LILRA4: variants seen among roughly 807,000 people sequenced by gnomAD.
LILRA4 encodes leukocyte immunoglobulin like receptor A4, also known as leukocyte immunoglobulin-like receptor subfamily A member 4.
LILRA4 carries 51 observed loss-of-function variants against 49.5 expected under a neutral mutation model. The observed-to-expected ratio is 1.03, with a 90% CI of 0.82 to 1.30. The LOEUF (loss-of-function observed/expected upper bound fraction) is 1.30. Among genes scored for constraint, LILRA4 ranks in the 50% most tolerant of loss-of-function variants. The pLI, the probability that LILRA4 is intolerant of heterozygous loss-of-function variation, is 0.00. For synonymous variants in LILRA4, 272 were observed against 265.6 expected (o/e 1.02, Z -0.23); for missense variants, 624 against 625.6 (o/e 1.00, Z 0.03).
Position 54,333,584 on chromosome 19 carries a change from C to T in LILRA4, c.1488G>A (p.Trp496Ter). Reference protein sequence around the residue: ...DNAPFRVVEPWEQI With the variant: ...DNAPFRVVEP ...CCTCCTCAGATCATCAGATCTGTTC[C>T]CAAGGCTCCACCACTCTGAAGGGTG... The change falls in exon 8 of 8, where the codon TGG becomes TGA. Residue 496 changes from tryptophan (W) to a stop codon, truncating the protein, a stop_gained. Coordinates refer to ENST00000291759, the MANE Select transcript of LILRA4 (RefSeq NM_012276.5). LOFTEE classifies it high-confidence loss of function. The T allele has an allele frequency of 6.2e-7, 1 of 1,614,068 alleles. No individual in the cohort carries two copies. Among genetic ancestry groups the T allele is most frequent in the Middle Eastern group, 1.6e-4 (1 of 6,062 alleles).
chr19:54,338,614 G>A lies in LILRA4; in HGVS notation c.137C>T (p.Thr46Ile), dbSNP rs758515595. The change falls in exon 3 of 8, where the codon ACC becomes ATC. Residue 46 changes from threonine (T) to isoleucine (I), a missense_variant. Thr to Ile is a moderately conservative substitution (Grantham distance 89). Transcript: ENST00000291759. ...GPVITWHNPVTIWCQGTLEAQ... is the reference protein window; with the variant it reads ...GPVITWHNPVIIWCQGTLEAQ... ...CTCCAGGGTGCCCTGACACCAGATG[G>A]TCACGGGGTTATGCCAGGTGATCAC... 9.9e-6 allele frequency: 16 copies of A among 1,614,114 alleles called. No individual in the cohort carries two copies. In the South Asian group the frequency reaches 1.6e-4, roughly 17 times the overall value.
chr19:54,338,652 G>T lies in LILRA4; in HGVS notation c.99C>A (p.Ala33=). Residue 33 remains alanine, a synonymous_variant, in exon 3 of 8, where the codon GCC becomes GCA. Coordinates refer to ENST00000291759, the MANE Select transcript of LILRA4 (RefSeq NM_012276.5). ...AENLLKPILW[A]EPGPVITWHN... is the part of the protein sequence containing the mutation. ...GCCAGGTGATCACGGGACCTGGCTC[G>T]GCCCACAGGATGGGTTTGAGTAGGT... 1 of 1,613,164 alleles carries T rather than the reference G, an allele frequency of 6.2e-7. No homozygotes were observed. Among genetic ancestry groups the T allele is most frequent in the Non-Finnish European group, 8.5e-7 (1 of 1,179,566 alleles).
Position 54,339,097 on chromosome 19 carries a change from A to G in LILRA4, c.-4T>C, listed in dbSNP as rs1360669416. 1 of 1,614,014 alleles carries G rather than the reference A, an allele frequency of 6.2e-7. No homozygotes were observed. Among genetic ancestry groups the G allele is most frequent in the South Asian group, 1.1e-5 (1 of 91,094 alleles). ...GGCTTGTGAGAATGAGGGTCATGGC[A>G]TCTCCTCCTCCTGGCCCTGGCTGTG... On this transcript the variant is annotated 5_prime_UTR_variant, in exon 1 of 8. It removes an upstream start codon present in the reference 5' UTR. Coordinates refer to ENST00000291759, the MANE Select transcript of LILRA4 (RefSeq NM_012276.5).
At position 54,337,957 on chromosome 19, in the gene LILRA4, G is replaced by T. The variant is rs755559450; in HGVS notation, c.634C>A (p.Pro212Thr). The stretch of plus-strand genomic sequence containing the variant: ...TCACCTGACACCAGTAGCTGCAGGG[G>T]GTCACTGGGTTCCGACCACACGTAT... ...TPYVWSEPSD[P>T]LQLLVSGVSR... The change falls in exon 4 of 8, where the codon CCC becomes ACC. Residue 212 changes from proline (P) to threonine (T), a missense_variant. Pro to Thr is a conservative substitution (Grantham distance 38). Transcript: ENST00000291759. The T allele has an allele frequency of 1.2e-6, 2 of 1,611,978 alleles. No individual in the cohort carries two copies. Among genetic ancestry groups the T allele is most frequent in the Non-Finnish European group, 1.7e-6 (2 of 1,179,128 alleles).
At chr19:54,336,767 C>G (rs754912735) in intron 6 of LILRA4, 74 bp downstream of exon 6, 1 of 1,552,726 alleles carries the variant, frequency 6.4e-7, no homozygotes, top group African/African-American at 1.4e-5. Flanking sequence ...CAGACGGACA[C>G]TCTCTTGGAA....
Position 54,337,952 on chromosome 19 carries a change from C to T in LILRA4, c.639G>A (p.Leu213=), listed in dbSNP as rs372782688. ...CTTCCTCACCTGACACCAGTAGCTGCAGGGGGTCACTGGGTTCCGACCACA... is the reference window on the plus strand; with the variant it reads ...CTTCCTCACCTGACACCAGTAGCTGTAGGGGGTCACTGGGTTCCGACCACA... ...PYVWSEPSDP[L]QLLVSGVSRK... The change falls in exon 4 of 8, where the codon CTG becomes CTA. Residue 213 remains leucine (L), a synonymous_variant. Transcript: ENST00000291759. 6.2e-7 allele frequency: 1 copy of T among 1,611,024 alleles called. No individual in the cohort carries two copies. Among genetic ancestry groups the T allele is most frequent in the Non-Finnish European group, 8.5e-7 (1 of 1,178,574 alleles).
At chr19:54,337,206 C>T in intron 5 of LILRA4, 63 bp from the exon 6 acceptor site, 1 of 1,540,978 alleles carries the variant, frequency 6.5e-7, no homozygotes. Flanking sequence ...ACCTCCCCAC[C>T]AGTCCTCTCC....
rs562664506 is a variant in LILRA4, at chr19:54,336,871, G to T, written c.1225C>A (p.Pro409Thr). ...RSSNPYLLSH[P>T]SEPLELVVSG... is the part of the protein sequence containing the mutation. ...ACCACGAGCTCCAGGGGCTCACTGG[G>T]GTGAGACAGCAGGTAGGGGTTGGAG... Residue 409 changes from proline (P) to threonine (T), a missense_variant, in exon 6 of 8, where the codon CCC (proline) becomes ACC (threonine). By Grantham distance (38) the Pro-to-Thr change is conservative (BLOSUM62 -1). Coordinates refer to ENST00000291759, the MANE Select transcript of LILRA4 (RefSeq NM_012276.5). 2.2e-5 allele frequency: 35 copies of T among 1,614,200 alleles called. No individual in the cohort carries two copies. In the South Asian group the frequency reaches 2.6e-4, roughly 12 times the overall value.
chr19:54,335,605 T>C (rs1318733868), intron 6 of LILRA4: 1 of 152,282 alleles, frequency 6.6e-6, no homozygotes, highest in Admixed American at 6.6e-5. Flanking sequence ...GTTCCAGCGA[T>C]TCTCCTGCCT....
rs762870467 is a variant in LILRA4 at position 54,338,868 on chromosome 19, G to T, written c.68C>A (p.Ala23Glu). The T allele has an allele frequency of 6.2e-7, 1 of 1,614,112 alleles. No homozygotes were observed. Among genetic ancestry groups the T allele is most frequent in the Non-Finnish European group, 8.5e-7 (1 of 1,180,002 alleles). ...LSLGPRTRVQ[A>E]ENLLKPILWA... is the part of the protein sequence containing the mutation. ...AGGACAGCTGGGGACAGACTCACCT[G>T]CCTGCACCCGGGTCCTGGGGCCCAG... is the stretch of plus-strand genomic sequence containing the variant. Residue 23 changes from alanine (A) to glutamate (E), a missense_variant and splice_region_variant, in exon 2 of 8, where the codon GCA (alanine) becomes GAA (glutamate). By Grantham distance (107) the Ala-to-Glu change is moderately radical. Coordinates refer to ENST00000291759, the MANE Select transcript of LILRA4 (RefSeq NM_012276.5).
intron 2 of LILRA4, 36 bp downstream of exon 2, chr19:54,338,827 AGAG>A (rs1449659203): frequency 1.2e-6 from 2 of 1,612,334 alleles, no homozygotes; most frequent in South Asian, 2.2e-5. Context: ...TTGTCCCCAG[AGAG>A]GAGGAGGGAC....
chr19:54,334,998 T>A (rs947467114), intron 6 of LILRA4: 3 of 150,886 alleles, frequency 2.0e-5, no homozygotes, highest in African/African-American at 7.3e-5. Flanking sequence ...TAAAATAAAA[T>A]AATAATAAAA....
At position 54,338,440 on chromosome 19, in the gene LILRA4, G is replaced by T. The variant is rs778279510; in HGVS notation, c.311C>A (p.Ala104Glu). The change falls in exon 3 of 8, where the codon GCA (alanine) becomes GAA (glutamate). Residue 104 changes from alanine (A) to glutamate (E), a missense_variant. Physicochemically the swap from Ala to Glu is moderately radical, Grantham distance 107. Coordinates refer to ENST00000291759, the MANE Select transcript of LILRA4 (RefSeq NM_012276.5). ...GRYHCYYQSPAGWSEPSDPLE... is the reference protein window; with the variant it reads ...GRYHCYYQSPEGWSEPSDPLE... ...GGGGTCGCTGGGCTCTGACCAGCCT[G>T]CAGGGCTCTGATAGTAACAGTGATA... 1.9e-6 allele frequency: 3 copies of T among 1,614,166 alleles called. No homozygotes were observed. The highest frequency in any genetic ancestry group is 2.2e-5 in the East Asian group (1 of 44,872).
In LILRA4 at chr19:54,337,644, G is replaced by T. The variant is rs141046735; in HGVS notation, c.708C>A (p.Pro236=). The T allele has an allele frequency of 6.2e-7, 1 of 1,612,878 alleles. No individual in the cohort carries two copies. The highest frequency in any genetic ancestry group is 8.5e-7 in the Non-Finnish European group (1 of 1,179,584). Residue 236 remains proline, a synonymous_variant, in exon 5 of 8, where the codon CCC becomes CCA. Coordinates refer to ENST00000291759, the MANE Select transcript of LILRA4 (RefSeq NM_012276.5). The part of the protein sequence containing the change: ...LLTLQGPVVT[P]GENLTLQCGS... ...CACACTGGAGGGTCAGATTCTCTCC[G>T]GGGGTCACGACAGGGCCCTGCAGGG...
chr19:54,333,800 G>A (rs1323683369), intron 7 of LILRA4, 35 bp from the exon 8 acceptor site: 1 of 1,613,586 alleles, frequency 6.2e-7, no homozygotes, highest in Non-Finnish European at 8.5e-7. Context: ...ACAGAGGTCA[G>A]GGCAGATCAC....
rs1254984333 is a variant in LILRA4 at position 54,338,635 on chromosome 19, A to G, written c.116T>C (p.Ile39Thr). 2 of 1,613,710 alleles carry G rather than the reference A, an allele frequency of 1.2e-6. No homozygotes were observed. The highest frequency in any genetic ancestry group is 1.7e-6 in the Non-Finnish European group (2 of 1,179,876). Reference sequence around the variant, plus strand: ...GATGGTCACGGGGTTATGCCAGGTGATCACGGGACCTGGCTCGGCCCACAG... The same window carrying G: ...GATGGTCACGGGGTTATGCCAGGTGGTCACGGGACCTGGCTCGGCCCACAG... ...PILWAEPGPV[I>T]TWHNPVTIWC... is the part of the protein sequence containing the mutation. The change falls in exon 3 of 8, where the codon ATC becomes ACC. Residue 39 changes from isoleucine (I) to threonine (T), a missense_variant. Transcript: ENST00000291759.
chr19:54,338,538 T>C lies in LILRA4; in HGVS notation c.213A>G (p.Ile71Met). Residue 71 changes from isoleucine to methionine, a missense_variant, in exon 3 of 8, where the codon ATA becomes ATG. Physicochemically the swap from Ile to Met is conservative, Grantham distance 10. Coordinates refer to ENST00000291759, the MANE Select transcript of LILRA4 (RefSeq NM_012276.5). ...DKEGNSMSRHILKTLESENKV... is the reference protein window; with the variant it reads ...DKEGNSMSRHMLKTLESENKV... ...TGTTTTCAGACTCCAGTGTTTTTAA[T>C]ATGTGCCTCGACATTGAGTTTCCCT... The C allele has an allele frequency of 1.2e-6, 2 of 1,614,164 alleles. No individual in the cohort carries two copies. The highest frequency in any genetic ancestry group is 1.7e-6 in the Non-Finnish European group (2 of 1,179,986).
rs768694629 is a variant in LILRA4 at position 54,339,054 on chromosome 19, T to A, written c.34+6A>T. On this transcript the variant is annotated splice_donor_region_variant and intron_variant, in intron 1 of 7. Coordinates refer to ENST00000291759, the MANE Select transcript of LILRA4 (RefSeq NM_012276.5). ...AGGGTCTCTCCTCCCCCTCTTAAGA[T>A]CTCACCAAAGAAGAGCAGGCTTGTG... 1.9e-6 allele frequency: 3 copies of A among 1,613,990 alleles called. No individual in the cohort carries two copies. The African/African-American group carries it at 4.0e-5, about 22-fold the overall frequency.
intron 5 of LILRA4, 59 bp from the exon 6 acceptor site, chr19:54,337,202 C>A: frequency 6.6e-7 from 1 of 1,514,904 alleles, no homozygotes; most frequent in Non-Finnish European, 9.0e-7. Context: ...TGAGACCTCC[C>A]CACCAGTCCT....
Sources: allele counts gnomAD v4.1 joint callset, GRCh38; gene constraint gnomAD v4.1.1; transcripts MANE v1.5; gene names NCBI Gene and HGNC (gene_info 2026-07-23, HGNC 2026-07-21).